SAE1: variants seen among roughly 807,000 people sequenced by gnomAD.
SAE1 encodes SUMO1 activating enzyme subunit 1, also known as SUMO-activating enzyme subunit 1.
In SAE1, 11 loss-of-function variants were observed where a neutral mutation model predicts 40.6. The observed-to-expected ratio is 0.27, with a 90% CI of 0.17 to 0.45. The LOEUF is 0.45. Ranked by LOEUF, SAE1 falls within the 20% of genes least tolerant of loss-of-function variation. The pLI, the probability that SAE1 is intolerant of heterozygous loss-of-function variation, is 1.00. For synonymous variants in SAE1, 155 were observed against 154.3 expected, an observed-to-expected ratio of 1.00 and a Z score of -0.03; for missense variants, 373 against 427.3, an observed-to-expected ratio of 0.87 and a Z score of 1.12.
At chr19:47,138,095 G>T (rs1322961703) in intron 1 of SAE1, among the ~76,000 whole-genome samples, 1 of 151,876 alleles carries the variant, frequency 6.6e-6, no homozygotes, top group Non-Finnish European at 1.5e-5. Flanking sequence ...CCAGGCTGGA[G>T]TGCAATGGCG....
At chr19:47,148,678 G>C (rs1003105201) in intron 2 of SAE1, among the ~76,000 whole-genome samples, 1 of 149,942 alleles carries the variant, frequency 6.7e-6, no homozygotes, top group South Asian at 2.1e-4. Context: ...GCAGTGGCAC[G>C]ACCTGGGCTC....
At chr19:47,204,147 C>T (rs2058671306) in intron 8 of SAE1, among the ~76,000 whole-genome samples, 1 of 143,430 alleles carries the variant, frequency 7.0e-6, no homozygotes, top group African/African-American at 2.6e-5. Flanking sequence ...AACCTCTGTA[C>T]AGTTTATCTC....
chr19:47,154,556 G>A (rs1027750960), intron 4 of SAE1, among the ~76,000 whole-genome samples: 14 of 127,402 alleles, frequency 1.1e-4, no homozygotes, highest in Non-Finnish European at 6.3e-5. Context: ...GTACAGTGGC[G>A]TGATCTCAGC....
At chr19:47,198,361 C>T (rs942684590) in intron 7 of SAE1, among the ~76,000 whole-genome samples, 2 of 152,142 alleles carry the variant, frequency 1.3e-5, no homozygotes, top group African/African-American at 4.8e-5. Context: ...ATCCGCCTAC[C>T]TTGGCCTCCC....
At chr19:47,148,294 G>A (rs1319811931) in intron 2 of SAE1, among the ~76,000 whole-genome samples, 1 of 152,002 alleles carries the variant, frequency 6.6e-6, no homozygotes, top group Admixed American at 6.6e-5. Context: ...TGGGAAGTGG[G>A]CCAGCTCATT....
In SAE1 at chr19:47,148,690, A is replaced by G. The variant is rs138430318; in HGVS notation, c.211-1512A>G. ...AGTGCAGTGGCACGACCTGGGCTCA[A>G]TGCAGCGTCTGCCTCCCAGGTTCAA... On this transcript the variant is annotated intron_variant, in intron 2 of 8. Transcript: ENST00000270225. Among the ~76,000 whole-genome samples the G allele has an allele frequency of 7.9e-5, 12 of 151,064 alleles. No homozygotes were observed. The East Asian group carries it at 1.2e-3, about 15-fold the overall frequency.
intron 4 of SAE1, 50 bp from the exon 5 acceptor site, chr19:47,155,064 A>T: frequency 1.7e-6 from 2 of 1,192,170 alleles, no homozygotes; most frequent in Admixed American, 1.8e-5. Context: ...TGATTCCAAT[A>T]ACATGATTCC....
intron 4 of SAE1, among the ~76,000 whole-genome samples, 171 bp downstream of exon 4, chr19:47,153,211 G>T (rs926236871): frequency 6.6e-6 from 1 of 152,058 alleles, no homozygotes; most frequent in African/African-American, 2.4e-5. Context: ...CCAAAGTGCT[G>T]GGATTATAGG....
chr19:47,203,679 T>G lies in SAE1; in HGVS notation c.887T>G (p.Phe296Cys), dbSNP rs765935598. The G allele has an allele frequency of 2.5e-5, 40 of 1,614,048 alleles. No individual in the cohort carries two copies. Among genetic ancestry groups the G allele is most frequent in the Non-Finnish European group, 3.3e-5 (39 of 1,179,976 alleles). Residue 296 changes from phenylalanine to cysteine, a missense_variant, in exon 8 of 9, where the codon TTC (phenylalanine) becomes TGC (cysteine). Transcript: ENST00000270225. Reference protein sequence around the residue: ...LLPEDFVRYCFSEMAPVCAVV... With the variant: ...LLPEDFVRYCCSEMAPVCAVV... ...GTCTTCCTCTCTTTTAGGTACTGCT[T>G]CTCCGAGATGGCCCCAGTGTGTGCG...
Position 47,130,855 on chromosome 19 carries a change from G to T in SAE1, c.-76G>T, listed in dbSNP as rs971235847. On this transcript the variant is annotated 5_prime_UTR_variant, in exon 1 of 9. Transcript: ENST00000270225. ...GAAGCACTCCGGGCGTGCTGCCGGC[G>T]GCGGTAGGTGGCGCGCGGGTCCGGC... The T allele has an allele frequency of 6.5e-7, 1 of 1,542,646 alleles. No homozygotes were observed. The highest frequency in any genetic ancestry group is 8.7e-7 in the Non-Finnish European group (1 of 1,144,012).
chr19:47,152,839 C>T (rs1228549505), intron 3 of SAE1, 59 bp from the exon 4 acceptor site: 18 of 1,526,852 alleles, frequency 1.2e-5, no homozygotes, highest in Non-Finnish European at 1.5e-5. Flanking sequence ...ATTTAGACAT[C>T]AGGGCAGTGA....
chr19:47,188,293 A>G (rs1475478640), intron 6 of SAE1, among the ~76,000 whole-genome samples: 1 of 152,020 alleles, frequency 6.6e-6, no homozygotes, highest in Non-Finnish European at 1.5e-5. Flanking sequence ...CCAGGCAGCA[A>G]TGAGCTGAGA....
rs573334320 is a variant in SAE1, at chr19:47,132,264, GT to G, written c.98+1250del. Among the ~76,000 whole-genome samples, 302 of 140,564 alleles carry G rather than the reference GT, an allele frequency of 2.1e-3. 6 individuals are homozygous for G. The South Asian group carries it at 0.029, about 14-fold the overall frequency. The allele number at this position is 140,564 out of a possible 152,430, so 92.2% of individuals were successfully genotyped here. A position where few individuals can be genotyped will look rare whatever the true frequency, so the allele number is the denominator to read the frequency against. Reference sequence around the variant, plus strand: ...AGACGTGAGCCACTGTGCCCAGCTTGTTTTTTTTTTTTTTCTTTCTCTGTGG... The same window carrying G: ...AGACGTGAGCCACTGTGCCCAGCTTGTTTTTTTTTTTTTCTTTCTCTGTGG... On this transcript the variant is annotated intron_variant, in intron 1 of 8. Transcript: ENST00000270225.
chr19:47,141,393 C>T (rs1398934300), intron 1 of SAE1, among the ~76,000 whole-genome samples: 1 of 151,786 alleles, frequency 6.6e-6, no homozygotes, highest in Non-Finnish European at 1.5e-5. Context: ...CCACCCATCT[C>T]AGCCTCCCAA....
intron 6 of SAE1, among the ~76,000 whole-genome samples, chr19:47,191,319 C>CA (rs368206294): frequency 7.3e-4 from 108 of 147,594 alleles, no homozygotes; most frequent in Non-Finnish European, 1.1e-3. Context: ...GACTCCATCT[C>CA]AAAAAAAAAG....
Position 47,196,333 on chromosome 19 carries a change from CTTTTTTTTTTTTTTTTTT to C in SAE1, c.734-883_734-866del, listed in dbSNP as rs61498882. ...TACAGGCGTGAGCCACCGCGCCTGG[CTTTTTTTTTTTTTTTTTT>C]TTTTTTTTTTTTTTTTAATTTTACT... On this transcript the variant is annotated intron_variant, in intron 6 of 8. Coordinates refer to ENST00000270225, the MANE Select transcript of SAE1 (RefSeq NM_005500.3). Among the ~76,000 whole-genome samples, 3 of 27,888 alleles carry C rather than the reference CTTTTTTTTTTTTTTTTTT, an allele frequency of 1.1e-4. 1 individual carries two copies. Among genetic ancestry groups the C allele is most frequent in the East Asian group, 1.6e-3 (1 of 618 alleles). 18.3% of individuals were successfully genotyped at this position (27,888 alleles called of 152,430 possible).
intron 7 of SAE1, 118 bp from the exon 8 acceptor site, chr19:47,203,553 C>G: frequency 1.3e-6 from 1 of 791,690 alleles, no homozygotes; most frequent in Non-Finnish European, 2.2e-6. Flanking sequence ...CTATCTGAAT[C>G]GGGCCCTCCT....
chr19:47,155,960 T>G (rs1312292829), intron 5 of SAE1, among the ~76,000 whole-genome samples: 1 of 148,868 alleles, frequency 6.7e-6, no homozygotes, highest in Non-Finnish European at 1.5e-5. Flanking sequence ...AGGATGGTAT[T>G]TATCTCTTGA....
Position 47,186,672 on chromosome 19 carries a change from C to G in SAE1, c.734-10561C>G, listed in dbSNP as rs142772829. Among the ~76,000 whole-genome samples, 147 of 152,222 alleles carry G rather than the reference C, an allele frequency of 9.7e-4. 1 individual carries two copies. Among genetic ancestry groups the G allele is most frequent in the Admixed American group, 7.5e-3 (115 of 15,264 alleles). On this transcript the variant is annotated intron_variant, in intron 6 of 8. Transcript: ENST00000270225. ...CATCAACAACTTTCATCCGGCGCCT[C>G]GGAACCTCTTCAGTAGAGAGTGAGA...
Sources: gnomAD v4.1 joint callset for allele counts (sites outside exome capture counted in the v4.1 genomes callset) on GRCh38, gnomAD v4.1.1 for gene constraint, MANE v1.5 for transcripts, NCBI Gene and HGNC (gene_info 2026-07-23, HGNC 2026-07-21) for gene names.